Variants in PTPN4 observed in about 807,000 individuals in gnomAD.
PTPN4 encodes protein tyrosine phosphatase non-receptor type 4.
A neutral mutation model predicts 135.5 loss-of-function variants in PTPN4; 49 were observed. The observed-to-expected ratio is 0.36, with a 90% CI of 0.29 to 0.46. PTPN4 has a LOEUF of 0.46. Ranked by LOEUF, PTPN4 falls within the 20% of genes least tolerant of loss-of-function variation. The pLI, the probability that PTPN4 is intolerant of heterozygous loss-of-function variation, is 1.00. For synonymous variants in PTPN4, 333 were observed against 369.9 expected (o/e 0.90, Z 1.14); for missense variants, 860 against 1,101.0 (o/e 0.78, Z 3.10).
At chr2:119,900,050 A>C (rs549507496) in intron 9 of PTPN4, among the ~76,000 whole-genome samples, 1 of 152,268 alleles carries the variant, frequency 6.6e-6, no homozygotes, top group Admixed American at 6.5e-5. Flanking sequence ...GTAAATTAGC[A>C]TCTAAGAAAT....
chr2:119,880,163 T>G (rs1447986583), intron 5 of PTPN4: 1 of 152,082 alleles, frequency 6.6e-6, no homozygotes, highest in Non-Finnish European at 1.5e-5. Context: ...TGATACTACT[T>G]TCTTCTTACA....
At chr2:119,897,648 C>A (rs1256187880) in intron 9 of PTPN4, among the ~76,000 whole-genome samples, 4 of 152,082 alleles carry the variant, frequency 2.6e-5, no homozygotes, top group African/African-American at 7.2e-5. Context: ...CATTTTCTTT[C>A]TTTTTTCATA....
chr2:119,817,823 T>C (rs1677011482), intron 2 of PTPN4, among the ~76,000 whole-genome samples: 1 of 152,196 alleles, frequency 6.6e-6, no homozygotes, highest in Non-Finnish European at 1.5e-5. Context: ...CATTTGTTAG[T>C]GTCCTCTATG....
intron 18 of PTPN4, among the ~76,000 whole-genome samples, chr2:119,948,065 CT>C (rs1679162019): frequency 6.6e-6 from 1 of 151,946 alleles, no homozygotes; most frequent in Non-Finnish European, 1.5e-5. Flanking sequence ...AAAATGACTC[CT>C]GGGGACATAC....
At chr2:119,933,177 G>A (rs1329308132) in intron 14 of PTPN4, among the ~76,000 whole-genome samples, 1 of 152,128 alleles carries the variant, frequency 6.6e-6, no homozygotes, top group East Asian at 1.9e-4. Flanking sequence ...ACCAGCCAAA[G>A]ATGTTGATTA....
chr2:119,943,563 A>C (rs1650970359), intron 15 of PTPN4, among the ~76,000 whole-genome samples: 1 of 148,432 alleles, frequency 6.7e-6, no homozygotes, highest in Admixed American at 6.8e-5. Context: ...TGAAATCATA[A>C]GCTGTTTCAT....
intron 13 of PTPN4, among the ~76,000 whole-genome samples, chr2:119,929,621 C>A (rs1463179627): frequency 6.6e-6 from 1 of 152,060 alleles, no homozygotes; most frequent in East Asian, 1.9e-4. Flanking sequence ...AAGAAGCTTA[C>A]CACATCGCAA....
At chr2:119,881,036 C>T (rs1412763755) in intron 5 of PTPN4, among the ~76,000 whole-genome samples, 1 of 152,108 alleles carries the variant, frequency 6.6e-6, no homozygotes, top group Non-Finnish European at 1.5e-5. Context: ...AAAGTTTGGT[C>T]TTCTGCCACC....
intron 3 of PTPN4, among the ~76,000 whole-genome samples, chr2:119,877,011 A>G (rs1677994420): frequency 6.6e-6 from 1 of 151,624 alleles, no homozygotes; most frequent in South Asian, 2.1e-4. Context: ...AATGTGAATC[A>G]CTTCACATTC....
chr2:119,803,878 T>C (rs935476678), intron 1 of PTPN4, among the ~76,000 whole-genome samples: 5 of 151,798 alleles, frequency 3.3e-5, no homozygotes, highest in African/African-American at 1.2e-4. Context: ...GGCTTGACCA[T>C]TTTATCATTA....
intron 9 of PTPN4, among the ~76,000 whole-genome samples, chr2:119,894,543 CA>C (rs1159159250): frequency 3.3e-5 from 5 of 152,176 alleles, no homozygotes; most frequent in African/African-American, 1.2e-4. Context: ...AGCATACAAA[CA>C]TTTTTTTCAT....
In PTPN4 at chr2:119,983,436, A is replaced by G. The variant is rs993445963; in HGVS notation, c.*6366A>G. 6.6e-6 allele frequency: 1 copy of G among 152,120 alleles called. No individual in the cohort carries two copies. Among genetic ancestry groups the G allele is most frequent in the African/African-American group, 2.4e-5 (1 of 41,416 alleles). The allele number at this position is 152,120 out of a possible 1,614,324, so 9.4% of individuals were successfully genotyped here. A position where few individuals can be genotyped will look rare whatever the true frequency, so the allele number is the denominator to read the frequency against. On this transcript the variant is annotated 3_prime_UTR_variant, in exon 27 of 27. Coordinates refer to ENST00000263708, the MANE Select transcript of PTPN4 (RefSeq NM_002830.4). Reference sequence around the variant, plus strand: ...ACTCCTGAATTGTAGTGTTCAAGTTATTTGCCTTCCTGGGTAAGAAAATTT... The same window carrying G: ...ACTCCTGAATTGTAGTGTTCAAGTTGTTTGCCTTCCTGGGTAAGAAAATTT...
At chr2:119,774,401 CTG>C (rs1189446980) in intron 1 of PTPN4, among the ~76,000 whole-genome samples, 1 of 152,188 alleles carries the variant, frequency 6.6e-6, no homozygotes, top group Non-Finnish European at 1.5e-5. Flanking sequence ...TAAAAGAAAT[CTG>C]TGAAGCTGTT....
Position 119,759,954 on chromosome 2 carries a change from G to C in PTPN4, c.-448G>C, listed in dbSNP as rs1460214539. 1 of 369,810 alleles carries C rather than the reference G, an allele frequency of 2.7e-6. No individual in the cohort carries two copies. Among genetic ancestry groups the C allele is most frequent in the African/African-American group, 2.1e-5 (1 of 47,686 alleles). 22.9% of individuals were successfully genotyped at this position (369,810 alleles called of 1,614,324 possible). A position where few individuals can be genotyped will look rare whatever the true frequency, so the allele number is the denominator to read the frequency against. ...CCCGCCAGCTCACGCCGCGCAGTGC[G>C]CTTTTCCGCTCCTCGCGCCCCACCA... is the stretch of plus-strand genomic sequence containing the variant. On this transcript the variant is annotated 5_prime_UTR_variant, in exon 1 of 27. Coordinates refer to ENST00000263708, the MANE Select transcript of PTPN4 (RefSeq NM_002830.4).
intron 1 of PTPN4, among the ~76,000 whole-genome samples, chr2:119,763,179 A>C (rs1024731820): frequency 2.6e-5 from 4 of 152,208 alleles, no homozygotes; most frequent in African/African-American, 9.6e-5. Context: ...ATTTCATTAG[A>C]GATATCTTCC....
chr2:119,899,996 T>A (rs563430456), intron 9 of PTPN4, among the ~76,000 whole-genome samples: 2 of 152,150 alleles, frequency 1.3e-5, no homozygotes, highest in African/African-American at 4.8e-5. Context: ...CTGTATTAGG[T>A]TACTTGTAGA....
At chr2:119,871,251 G>A (rs939607224) in intron 3 of PTPN4, among the ~76,000 whole-genome samples, 1 of 151,066 alleles carries the variant, frequency 6.6e-6, no homozygotes, top group Admixed American at 6.6e-5. Context: ...GACAGTTGGT[G>A]AGAGTGTAAA....
intron 1 of PTPN4, among the ~76,000 whole-genome samples, chr2:119,784,638 T>C (rs1013348738): frequency 2.0e-5 from 3 of 151,546 alleles, no homozygotes; most frequent in Non-Finnish European, 2.9e-5. Context: ...CTGCCCGCCT[T>C]GGCCTCCCAA....
At chr2:119,932,377 G>C in intron 13 of PTPN4, 47 bp from the exon 14 acceptor site, 1 of 1,476,004 alleles carries the variant, frequency 6.8e-7, no homozygotes, top group Non-Finnish European at 9.1e-7. Context: ...CATGGTTTGG[G>C]GTATAAAAAT....
Sources: allele counts gnomAD v4.1 joint callset (sites outside exome capture counted in the v4.1 genomes callset), GRCh38; gene constraint gnomAD v4.1.1; transcripts MANE v1.5; gene names NCBI Gene and HGNC (gene_info 2026-07-23, HGNC 2026-07-21).